The following TMEM229B variants were observed in gnomAD, a reference collection of about 807,000 sequenced individuals.
TMEM229B encodes the protein chromosome 14 open reading frame 83.
Under a neutral mutation model 13.7 loss-of-function variants are expected in TMEM229B, and 6 were observed. The observed-to-expected ratio is 0.44, with a 90% CI of 0.24 to 0.86. TMEM229B has a LOEUF of 0.86. Ranked by LOEUF, TMEM229B falls within the 40% of genes least tolerant of loss-of-function variation. The probability of loss-of-function intolerance (pLI) is 0.23; values close to 1 mark genes in which losing one functional copy is unlikely to be tolerated. For missense variants in TMEM229B, 170 were observed against 236.0 expected (o/e 0.72, Z 1.83); for synonymous variants, 107 against 102.1 (o/e 1.05, Z -0.29).
At chr14:67,491,323 G>A (rs922429764), upstream of TMEM229B, among the ~76,000 whole-genome samples, 3 of 152,164 alleles carry the variant, frequency 2.0e-5, no homozygotes, top group Non-Finnish European at 4.4e-5. Context: ...GAGTTTTTAT[G>A]TAGCTTGATC....
At chr14:67,494,339 G>A (rs773944875) in intron 1 of TMEM229B, among the ~76,000 whole-genome samples, 8 of 152,210 alleles carry the variant, frequency 5.3e-5, no homozygotes, top group East Asian at 1.9e-4. Flanking sequence ...GAGAAAGGCC[G>A]AGAAGAGAAT....
intron 1 of TMEM229B, among the ~76,000 whole-genome samples, chr14:67,523,215 C>G (rs998265471): frequency 1.3e-5 from 2 of 151,616 alleles, no homozygotes; most frequent in Admixed American, 6.6e-5. Context: ...CCCAGCTACT[C>G]GGGAGGCTAA....
chr14:67,492,914 T>C (rs972468730), upstream of TMEM229B, among the ~76,000 whole-genome samples: 2 of 152,158 alleles, frequency 1.3e-5, no homozygotes, highest in Admixed American at 6.5e-5. Context: ...ACTAAGCAGC[T>C]CTAAACATAC....
intron 1 of TMEM229B, among the ~76,000 whole-genome samples, chr14:67,500,817 C>T (rs541041347): frequency 5.3e-5 from 8 of 151,968 alleles, no homozygotes; most frequent in Admixed American, 1.3e-4. Flanking sequence ...GTGATCCGCC[C>T]GCCTCGGCCT....
rs1272954170 is a variant in TMEM229B at position 67,473,205 on chromosome 14, A to G, written c.*215T>C. 2 of 624,578 alleles carry G rather than the reference A, an allele frequency of 3.2e-6. No homozygotes were observed. Among genetic ancestry groups the G allele is most frequent in the Non-Finnish European group, 5.4e-6 (2 of 367,530 alleles). 38.7% of individuals were successfully genotyped at this position (624,578 alleles called of 1,614,324 possible). Reference sequence around the variant, plus strand: ...GGCCGCGATCCATGGACCCTTCCCAATGTCCCTCTGCTGCCTCCACACCCC... The same window carrying G: ...GGCCGCGATCCATGGACCCTTCCCAGTGTCCCTCTGCTGCCTCCACACCCC... On this transcript the variant is annotated 3_prime_UTR_variant, in exon 3 of 3. Transcript: ENST00000554480. The surrounding 1 kb of genome is among the most constrained non-coding windows in gnomAD (Gnocchi z 6.5).
At chr14:67,502,577 T>C (rs11622515) in intron 1 of TMEM229B, among the ~76,000 whole-genome samples, 109,309 of 150,112 alleles carry the variant, frequency 0.73, 41,604 homozygotes, top group Non-Finnish European at 0.85. Flanking sequence ...CTTAGCCTCC[T>C]GAGTAGCTGG....
At chr14:67,492,529 G>T (rs1277057171), upstream of TMEM229B, among the ~76,000 whole-genome samples, 3 of 152,188 alleles carry the variant, frequency 2.0e-5, no homozygotes, top group African/African-American at 7.2e-5. Context: ...CATGTCCTTA[G>T]GGTGTCCTGG....
intron 2 of TMEM229B, among the ~76,000 whole-genome samples, chr14:67,478,760 A>G (rs1247780125): frequency 6.6e-6 from 1 of 151,746 alleles, no homozygotes; most frequent in Admixed American, 6.6e-5. Context: ...CTCTGTGAGG[A>G]CTTTCCTAAG....
At chr14:67,507,040 A>G (rs1364697126) in intron 1 of TMEM229B, among the ~76,000 whole-genome samples, 1 of 152,134 alleles carries the variant, frequency 6.6e-6, no homozygotes, top group African/African-American at 2.4e-5. Context: ...AACTGAAGAT[A>G]GCCTAGCCAT....
intron 1 of TMEM229B, among the ~76,000 whole-genome samples, chr14:67,532,550 C>T (rs1411488469): frequency 6.6e-6 from 1 of 152,174 alleles, no homozygotes; most frequent in Admixed American, 6.5e-5. Context: ...GCCCTGCAAA[C>T]TGCCTGGCAG....
chr14:67,528,625 A>T (rs964909925), intron 1 of TMEM229B, among the ~76,000 whole-genome samples: 1 of 152,166 alleles, frequency 6.6e-6, no homozygotes, highest in Non-Finnish European at 1.5e-5. Context: ...GAGCTCCACC[A>T]GCTCCCAACT....
intron 1 of TMEM229B, among the ~76,000 whole-genome samples, chr14:67,509,089 G>A (rs116576553): frequency 0.014 from 2,118 of 152,198 alleles, 62 homozygotes; most frequent in African/African-American, 0.049. Flanking sequence ...CAAACAGACC[G>A]TTAAGCAAGA....
At chr14:67,481,465 A>C (rs990397570) in intron 2 of TMEM229B, among the ~76,000 whole-genome samples, 3 of 152,186 alleles carry the variant, frequency 2.0e-5, no homozygotes, top group Non-Finnish European at 4.4e-5. Flanking sequence ...TAGCTGGTCC[A>C]TGCAAGACCA....
chr14:67,494,197 T>C (rs2032276362), intron 1 of TMEM229B, among the ~76,000 whole-genome samples: 1 of 152,022 alleles, frequency 6.6e-6, no homozygotes, highest in Non-Finnish European at 1.5e-5. Context: ...TAGGCAAGAG[T>C]AATTAAAGGG....
At chr14:67,513,910 G>C (rs1467639269) in intron 1 of TMEM229B, among the ~76,000 whole-genome samples, 1 of 152,222 alleles carries the variant, frequency 6.6e-6, no homozygotes, top group Non-Finnish European at 1.5e-5. Context: ...CTGGGGACCT[G>C]GAACCTGGCC....
chr14:67,485,373 C>G (rs1328789125), intron 2 of TMEM229B, among the ~76,000 whole-genome samples: 2 of 152,202 alleles, frequency 1.3e-5, no homozygotes. Flanking sequence ...ACTTTGTAAG[C>G]CCAGGCTGAG....
chr14:67,528,850 A>G (rs1474290098), intron 1 of TMEM229B, among the ~76,000 whole-genome samples: 1 of 152,194 alleles, frequency 6.6e-6, no homozygotes, highest in Non-Finnish European at 1.5e-5. Flanking sequence ...GTGCGTGACA[A>G]TGCAGACTCC....
chr14:67,519,027 C>T (rs2033250424), upstream of TMEM229B, among the ~76,000 whole-genome samples: 1 of 152,110 alleles, frequency 6.6e-6, no homozygotes, highest in Non-Finnish European at 1.5e-5. Context: ...ATCAGCTTTA[C>T]AGGAAAACAA....
In TMEM229B at chr14:67,473,678, G is replaced by C; in HGVS notation, c.246C>G (p.Leu82=). 6.3e-7 allele frequency: 1 copy of C among 1,583,208 alleles called. No homozygotes were observed. Among genetic ancestry groups the C allele is most frequent in the Non-Finnish European group, 8.6e-7 (1 of 1,164,808 alleles). The change falls in exon 3 of 3, where the codon CTC becomes CTG. Residue 82 remains leucine (L), a synonymous_variant. Transcript: ENST00000554480. This position sits in a 1 kb window ranked among gnomAD's most constrained non-coding sequence, Gnocchi z 6.5. ...PLLLRCLIYT[L]WTYLWEFTTG... ...TGGTGAACTCCCACAGGTAGGTCCA[G>C]AGCGTGTAGATGAGGCAGCGCAGGA...
Sources: gnomAD v4.1 joint callset for allele counts (sites outside exome capture counted in the v4.1 genomes callset) on GRCh38, gnomAD v4.1.1 for gene constraint, Gnocchi (gnomAD v3.1) non-coding constraint, MANE v1.5 for transcripts, NCBI Gene and HGNC (gene_info 2026-07-23, HGNC 2026-07-21) for gene names.